Variants in CHLSN observed in about 807,000 individuals in gnomAD.
The protein encoded by CHLSN is cholesin, also known as protein cholesin.
At chr7:1,091,795 G>A in the CHLSN span, 2 of 1,591,886 alleles carry the variant, frequency 1.3e-6, no homozygotes, top group Non-Finnish European at 1.7e-6. Context: ...GCAGCCTGCG[G>A]CCCCCAACAC....
At chr7:1,102,414 C>A in the CHLSN span, among the ~76,000 whole-genome samples, 1 of 152,218 alleles carries the variant, frequency 6.6e-6, no homozygotes, top group Non-Finnish European at 1.5e-5. Flanking sequence ...TGCAGCCACA[C>A]TCAAGTTCTT....
chr7:1,125,989 A>G, the CHLSN span, among the ~76,000 whole-genome samples: 1 of 152,224 alleles, frequency 6.6e-6, no homozygotes, highest in African/African-American at 2.4e-5. Flanking sequence ...AAAATTTTTT[A>G]TATTTTCAAA....
At chr7:1,018,541 G>T in the CHLSN span, among the ~76,000 whole-genome samples, 1 of 151,800 alleles carries the variant, frequency 6.6e-6, no homozygotes, top group Non-Finnish European at 1.5e-5. Flanking sequence ...TTCCTGCCCA[G>T]TGGGAGCAGG....
chr7:1,050,301 G>C, the CHLSN span, among the ~76,000 whole-genome samples: 2 of 152,242 alleles, frequency 1.3e-5, no homozygotes, highest in Non-Finnish European at 2.9e-5. Flanking sequence ...GTTTAGATCA[G>C]GAACAGAACA....
the CHLSN span, among the ~76,000 whole-genome samples, chr7:1,041,230 C>T: frequency 6.9e-6 from 1 of 145,298 alleles, no homozygotes; most frequent in East Asian, 2.0e-4. Context: ...CTGGGCTCCG[C>T]GCTGCGGGGA....
the CHLSN span, among the ~76,000 whole-genome samples, chr7:1,100,056 AC>A: frequency 6.6e-6 from 1 of 152,218 alleles, no homozygotes; most frequent in African/African-American, 2.4e-5. Flanking sequence ...CGTTCTGTGC[AC>A]CGCAAGCCAA....
chr7:1,017,904 G>A, the CHLSN span, among the ~76,000 whole-genome samples: 3 of 152,338 alleles, frequency 2.0e-5, no homozygotes, highest in East Asian at 1.9e-4. Flanking sequence ...CCATGCTGCG[G>A]TAGGAACACC....
the CHLSN span, among the ~76,000 whole-genome samples, chr7:980,770 C>T: frequency 6.7e-6 from 1 of 149,694 alleles, no homozygotes; most frequent in Non-Finnish European, 1.5e-5. Context: ...TCACTGCAAG[C>T]TCCGCCTCCC....
At chr7:988,313 C>T in the CHLSN span, 1 of 1,609,096 alleles carries the variant, frequency 6.2e-7, no homozygotes, top group Non-Finnish European at 8.5e-7. Context: ...CTCGGTGCTC[C>T]TGGATGAGAC....
At chr7:1,053,735 G>A in the CHLSN span, among the ~76,000 whole-genome samples, 1 of 152,226 alleles carries the variant, frequency 6.6e-6, no homozygotes, top group Non-Finnish European at 1.5e-5. Flanking sequence ...GCTGAGGCAG[G>A]AGAATCGCTT....
chr7:1,074,312 C>T, the CHLSN span: 1 of 135,358 alleles, frequency 7.4e-6, no homozygotes, highest in Non-Finnish European at 1.6e-5. Flanking sequence ...CCGGCCCCCG[C>T]ACCCTTGTCT....
chr7:1,037,478 G>C, the CHLSN span, among the ~76,000 whole-genome samples: 1 of 134,614 alleles, frequency 7.4e-6, no homozygotes, highest in African/African-American at 2.7e-5. Context: ...GCCCCTAACC[G>C]CGAGTGATCC....
chr7:988,762 C>G, the CHLSN span: 1 of 1,598,662 alleles, frequency 6.3e-7, no homozygotes, highest in Middle Eastern at 1.8e-4. Context: ...ACACCACGCC[C>G]GCCCGGGCTT....
chr7:1,003,992 G>GT, the CHLSN span, among the ~76,000 whole-genome samples: 11 of 122,984 alleles, frequency 8.9e-5, no homozygotes, highest in Middle Eastern at 4.3e-3. Context: ...CCTGTGGGTG[G>GT]GGAGTCCTGT....
the CHLSN span, chr7:988,432 G>GGGCCGGGGCCC: frequency 6.2e-7 from 1 of 1,612,164 alleles, no homozygotes; most frequent in South Asian, 1.1e-5. Flanking sequence ...AGCAGCCCTC[G>GGGCCGGGGCCC]GGGCCGGGGT....
chr7:1,089,584 A>C, the CHLSN span, among the ~76,000 whole-genome samples: 1 of 151,674 alleles, frequency 6.6e-6, no homozygotes, highest in East Asian at 1.9e-4. Flanking sequence ...ATGCCCAGCT[A>C]CTTTTTTTGT....
chr7:1,054,609 T>C, the CHLSN span, among the ~76,000 whole-genome samples: 1 of 152,208 alleles, frequency 6.6e-6, no homozygotes, highest in Non-Finnish European at 1.5e-5. Context: ...GCTGCCTCCC[T>C]CTGACTTGGC....
chr7:1,028,309 T>C, the CHLSN span: 21 of 1,047,138 alleles, frequency 2.0e-5, no homozygotes, highest in Non-Finnish European at 2.1e-5. Flanking sequence ...GGGGCAGGGA[T>C]GCGCCCGCAG....
the CHLSN span, chr7:988,573 C>T: frequency 1.9e-6 from 3 of 1,597,656 alleles, no homozygotes; most frequent in Middle Eastern, 3.3e-4. Context: ...GGGAGGTCCC[C>T]ACCCCTCCCC....
Sources: allele counts gnomAD v4.1 joint callset (sites outside exome capture counted in the v4.1 genomes callset), GRCh38; gene constraint gnomAD v4.1.1; transcripts MANE v1.5; gene names NCBI Gene and HGNC (gene_info 2026-07-23, HGNC 2026-07-21).